The following RNF150 variants were observed in gnomAD, a reference collection of about 807,000 sequenced individuals.
The protein encoded by RNF150 is ring finger protein 150.
A neutral mutation model predicts 39.3 loss-of-function variants in RNF150; 24 were observed. The observed-to-expected ratio is 0.61, with a 90% CI of 0.44 to 0.86. The LOEUF (loss-of-function observed/expected upper bound fraction) is 0.86. Ranked by LOEUF, RNF150 falls within the 40% of genes least tolerant of loss-of-function variation. RNF150 has a pLI of 0.00. For synonymous variants in RNF150, 255 were observed against 227.3 expected (o/e 1.12, Z -1.10); for missense variants, 502 against 587.8 (o/e 0.85, Z 1.51).
intron 1 of RNF150, among the ~76,000 whole-genome samples, chr4:141,055,165 T>C (rs1211881460): frequency 1.3e-5 from 2 of 152,070 alleles, no homozygotes; most frequent in African/African-American, 4.8e-5. Flanking sequence ...CAATGTAAAA[T>C]GAAGATTGGT....
intron 6 of RNF150, among the ~76,000 whole-genome samples, chr4:140,888,059 T>A (rs1245606046): frequency 6.6e-6 from 1 of 152,208 alleles, no homozygotes; most frequent in Admixed American, 6.5e-5. Context: ...AGAAAGCACG[T>A]GAAGAAGCCT....
At chr4:140,978,457 A>C (rs1733744771) in intron 1 of RNF150, among the ~76,000 whole-genome samples, 1 of 152,192 alleles carries the variant, frequency 6.6e-6, no homozygotes, top group African/African-American at 2.4e-5. Flanking sequence ...TGAGGTGATC[A>C]ATGACTCATA....
At chr4:141,074,968 C>T (rs1737842506) in intron 1 of RNF150, among the ~76,000 whole-genome samples, 1 of 152,206 alleles carries the variant, frequency 6.6e-6, no homozygotes, top group Non-Finnish European at 1.5e-5. Flanking sequence ...TTGGGAGCTA[C>T]ATTTCTGACT....
chr4:140,916,653 C>A (rs1730843779), intron 5 of RNF150, among the ~76,000 whole-genome samples: 1 of 152,180 alleles, frequency 6.6e-6, no homozygotes, highest in South Asian at 2.1e-4. Context: ...CCCAGTCTAG[C>A]AAGGCAGGCC....
chr4:141,177,042 C>G (rs1295324588), intron 1 of RNF150, among the ~76,000 whole-genome samples: 1 of 139,566 alleles, frequency 7.2e-6, no homozygotes, highest in Non-Finnish European at 1.5e-5. Flanking sequence ...ATAACAAGAC[C>G]CTGTCTCCTA....
chr4:141,150,891 A>C (rs1451504660), intron 1 of RNF150, among the ~76,000 whole-genome samples: 1 of 152,150 alleles, frequency 6.6e-6, no homozygotes, highest in Non-Finnish European at 1.5e-5. Context: ...ATATTAAAAT[A>C]ATTTTTTGTA....
intron 1 of RNF150, among the ~76,000 whole-genome samples, chr4:141,025,541 G>A (rs1439169105): frequency 6.6e-6 from 1 of 151,950 alleles, no homozygotes; most frequent in East Asian, 1.9e-4. Context: ...GAAAAAAAAT[G>A]AAAAATGAGA....
At chr4:141,136,059 T>C (rs559123573), upstream of RNF150, among the ~76,000 whole-genome samples, 24 of 152,286 alleles carry the variant, frequency 1.6e-4, no homozygotes, top group South Asian at 4.8e-3. Flanking sequence ...CTTAAACTTA[T>C]GAGAGACAGA....
intron 1 of RNF150, among the ~76,000 whole-genome samples, chr4:140,973,874 TAAAAAAAAAAA>T (rs566506401): frequency 9.0e-6 from 1 of 110,508 alleles, no homozygotes; most frequent in Non-Finnish European, 1.8e-5. Context: ...AGACTCTGTT[TAAAAAAAAAAA>T]AAAAAAAAAA....
At chr4:140,946,483 T>C (rs551206719) in intron 4 of RNF150, among the ~76,000 whole-genome samples, 96 of 152,206 alleles carry the variant, frequency 6.3e-4, no homozygotes, top group Non-Finnish European at 1.2e-3. Context: ...AAGAATTTTT[T>C]TTTTCTTTGA....
intron 6 of RNF150, among the ~76,000 whole-genome samples, chr4:140,888,715 T>C (rs1303924040): frequency 6.6e-6 from 1 of 152,240 alleles, no homozygotes; most frequent in Non-Finnish European, 1.5e-5. Context: ...TAGCAGTCTC[T>C]TGTGCTTTCT....
At chr4:141,177,936 A>G (rs536627574) in intron 1 of RNF150, among the ~76,000 whole-genome samples, 1 of 152,184 alleles carries the variant, frequency 6.6e-6, no homozygotes, top group Non-Finnish European at 1.5e-5. Context: ...AATAGCAAAT[A>G]TGGTAATTAA....
At chr4:140,903,869 T>G (rs1195949255) in intron 6 of RNF150, among the ~76,000 whole-genome samples, 1 of 152,188 alleles carries the variant, frequency 6.6e-6, no homozygotes, top group African/African-American at 2.4e-5. Context: ...GTGGTCTAAA[T>G]TGATTGATTC....
At chr4:140,878,437 T>G (rs1729252309) in intron 6 of RNF150, among the ~76,000 whole-genome samples, 1 of 152,176 alleles carries the variant, frequency 6.6e-6, no homozygotes, top group Non-Finnish European at 1.5e-5. Context: ...CCTCCCAAAG[T>G]GCTGGGATTA....
At chr4:141,053,294 A>G (rs1736848299) in intron 1 of RNF150, among the ~76,000 whole-genome samples, 1 of 152,218 alleles carries the variant, frequency 6.6e-6, no homozygotes, top group South Asian at 2.1e-4. Context: ...AGGTACCTAC[A>G]CTTGTCAATA....
chr4:141,142,900 G>A (rs544155689), intron 1 of RNF150, among the ~76,000 whole-genome samples: 1 of 148,544 alleles, frequency 6.7e-6, no homozygotes, highest in South Asian at 2.1e-4. Flanking sequence ...GATAGAGTCT[G>A]TCTCTGTCAC....
intron 6 of RNF150, among the ~76,000 whole-genome samples, chr4:140,888,345 C>T (rs777451468): frequency 2.6e-5 from 4 of 152,144 alleles, no homozygotes; most frequent in Non-Finnish European, 4.4e-5. Context: ...TCACCTAGGA[C>T]TGGTGTGTTC....
At chr4:141,042,408 G>A (rs547115293) in intron 1 of RNF150, among the ~76,000 whole-genome samples, 136 of 152,144 alleles carry the variant, frequency 8.9e-4, no homozygotes, top group Non-Finnish European at 2.8e-4. Flanking sequence ...TATTCTGAAA[G>A]TTCTCTGAGG....
chr4:140,950,022 C>T (rs1732483250), intron 2 of RNF150, among the ~76,000 whole-genome samples: 1 of 152,178 alleles, frequency 6.6e-6, no homozygotes, highest in Non-Finnish European at 1.5e-5. Context: ...ATTCTCTCCC[C>T]ATTTTTGGTA....
Sources: gnomAD v4.1 joint callset for allele counts (sites outside exome capture counted in the v4.1 genomes callset) on GRCh38, gnomAD v4.1.1 for gene constraint, MANE v1.5 for transcripts, NCBI Gene and HGNC (gene_info 2026-07-23, HGNC 2026-07-21) for gene names.